Variants in SGCD observed in about 807,000 individuals in gnomAD.
SGCD encodes the protein delta-sarcoglycan.
Under a neutral mutation model 36.6 loss-of-function variants are expected in SGCD, and 18 were observed. That is an observed-to-expected ratio of 0.49 (90% CI 0.34 to 0.73). SGCD has a LOEUF of 0.73. Among genes scored for constraint, SGCD ranks in the 30% least tolerant of loss-of-function variants. SGCD has a pLI of 0.01. For synonymous variants in SGCD, 133 were observed against 130.6 expected, an observed-to-expected ratio of 1.02 and a Z score of -0.12; for missense variants, 387 against 346.7, an observed-to-expected ratio of 1.12 and a Z score of -0.92.
intron 7 of SGCD, among the ~76,000 whole-genome samples, chr5:156,655,186 G>A (rs1763624395): frequency 6.6e-6 from 1 of 152,026 alleles, no homozygotes; most frequent in Non-Finnish European, 1.5e-5. Flanking sequence ...AAATAGACAA[G>A]CAGAAACTTA....
At chr5:155,809,060 A>G in the SGCD span, among the ~76,000 whole-genome samples, 1 of 152,238 alleles carries the variant, frequency 6.6e-6, no homozygotes, top group African/African-American at 2.4e-5. Flanking sequence ...GCAGCTGTGG[A>G]TACACGAGTC....
Position 156,766,059 on chromosome 5 carries a change from A to G in SGCD, c.*6669A>G, listed in dbSNP as rs1196817914. ...TAAAAAAAAAAAAAAAAGACCGGAA[A>G]ATACCTGGGTTGTTAGCCTCACATT... On this transcript the variant is annotated 3_prime_UTR_variant, in exon 9 of 9. Transcript: ENST00000337851. The G allele has an allele frequency of 6.6e-6, 1 of 151,066 alleles. No homozygotes were observed. The highest frequency in any genetic ancestry group is 2.4e-5 in the African/African-American group (1 of 40,844). 9.4% of individuals were successfully genotyped at this position (151,066 alleles called of 1,614,324 possible).
chr5:156,424,017 C>T (rs1321729925), intron 3 of SGCD, among the ~76,000 whole-genome samples: 4 of 151,888 alleles, frequency 2.6e-5, no homozygotes, highest in Admixed American at 1.3e-4. Flanking sequence ...CTCCTCTGTT[C>T]GTGGCACATC....
At chr5:155,836,008 G>A in the SGCD span, among the ~76,000 whole-genome samples, 1 of 152,110 alleles carries the variant, frequency 6.6e-6, no homozygotes, top group African/African-American at 2.4e-5. Flanking sequence ...GTGGTTTCAG[G>A]CATCCACTGG....
At chr5:156,430,584 A>G (rs934611257) in intron 3 of SGCD, among the ~76,000 whole-genome samples, 1 of 151,760 alleles carries the variant, frequency 6.6e-6, no homozygotes, top group African/African-American at 2.4e-5. Flanking sequence ...TGTTAGATTT[A>G]CTTTTCTGGT....
At chr5:155,737,795 G>T in the SGCD span, among the ~76,000 whole-genome samples, 1 of 152,140 alleles carries the variant, frequency 6.6e-6, no homozygotes, top group Non-Finnish European at 1.5e-5. Context: ...ATCACTCATA[G>T]TATATTCCCT....
intron 7 of SGCD, among the ~76,000 whole-genome samples, chr5:156,747,933 T>G (rs1757006793): frequency 1.3e-5 from 2 of 152,324 alleles, no homozygotes; most frequent in South Asian, 2.1e-4. Context: ...AAAAGACTTG[T>G]GTAAGAATGT....
At chr5:156,408,395 G>T (rs1379229257) in intron 3 of SGCD, among the ~76,000 whole-genome samples, 2 of 144,476 alleles carry the variant, frequency 1.4e-5, no homozygotes, top group African/African-American at 2.6e-5. Context: ...TTTTGCTCTT[G>T]TCACCCAGGC....
chr5:156,344,939 A>G (rs549408936), intron 3 of SGCD, among the ~76,000 whole-genome samples: 2 of 152,266 alleles, frequency 1.3e-5, no homozygotes, highest in Non-Finnish European at 2.9e-5. Context: ...CTCCATTTTG[A>G]TAACTGTTTC....
At chr5:155,787,046 C>T in the SGCD span, among the ~76,000 whole-genome samples, 2 of 152,134 alleles carry the variant, frequency 1.3e-5, no homozygotes, top group African/African-American at 4.8e-5. Flanking sequence ...ATTAAAAGCC[C>T]GGTAATGGCT....
intron 4 of SGCD, among the ~76,000 whole-genome samples, chr5:156,535,587 A>G (rs1758071845): frequency 6.6e-6 from 1 of 152,202 alleles, no homozygotes; most frequent in Non-Finnish European, 1.5e-5. Context: ...ATTTTCATGT[A>G]TCCAGAAGTA....
chr5:156,343,528 A>G (rs768076973), intron 2 of SGCD, among the ~76,000 whole-genome samples: 14 of 152,196 alleles, frequency 9.2e-5, no homozygotes, highest in Non-Finnish European at 1.9e-4. Flanking sequence ...CTTTATTTAT[A>G]TTTAATTTTA....
chr5:155,809,484 A>G, the SGCD span, among the ~76,000 whole-genome samples: 1 of 152,164 alleles, frequency 6.6e-6, no homozygotes, highest in Non-Finnish European at 1.5e-5. Flanking sequence ...GTCTTATATC[A>G]CTGATACTTG....
intron 3 of SGCD, among the ~76,000 whole-genome samples, chr5:156,289,471 C>T (rs1337393191): frequency 1.3e-5 from 2 of 151,904 alleles, no homozygotes; most frequent in Non-Finnish European, 2.9e-5. Flanking sequence ...CCCTCACCCC[C>T]CACAGGCCCC....
chr5:156,084,870 C>T (rs751236174), intron 1 of SGCD, among the ~76,000 whole-genome samples: 1 of 152,176 alleles, frequency 6.6e-6, no homozygotes, highest in Non-Finnish European at 1.5e-5. Flanking sequence ...TTCCCTCTAT[C>T]CTAACTTGCT....
At chr5:156,563,800 C>T (rs1295686330) in intron 4 of SGCD, among the ~76,000 whole-genome samples, 2 of 152,164 alleles carry the variant, frequency 1.3e-5, no homozygotes, top group Non-Finnish European at 2.9e-5. Context: ...AGTCTCTTTC[C>T]TACCTGGAAT....
intron 7 of SGCD, among the ~76,000 whole-genome samples, chr5:156,754,959 A>AAGAT (rs1260154804): frequency 1.3e-5 from 2 of 152,200 alleles, no homozygotes; most frequent in African/African-American, 4.8e-5. Flanking sequence ...TTATTTCGGG[A>AAGAT]AGATATATTT....
chr5:156,137,931 T>C (rs1762495742), intron 3 of SGCD, among the ~76,000 whole-genome samples: 1 of 152,216 alleles, frequency 6.6e-6, no homozygotes, highest in Non-Finnish European at 1.5e-5. Flanking sequence ...TGTGATGTTA[T>C]TAATATACAA....
intron 3 of SGCD, among the ~76,000 whole-genome samples, chr5:156,409,274 G>A (rs189998085): frequency 6.6e-6 from 1 of 151,758 alleles, no homozygotes; most frequent in East Asian, 1.9e-4. Flanking sequence ...AACACCCTTT[G>A]TTCATTTTTC....
Sources: gnomAD v4.1 joint callset for allele counts (sites outside exome capture counted in the v4.1 genomes callset) on GRCh38, gnomAD v4.1.1 for gene constraint, MANE v1.5 for transcripts, NCBI Gene and HGNC (gene_info 2026-07-23, HGNC 2026-07-21) for gene names.